Variants in DSCAM observed in about 807,000 individuals in gnomAD.
DSCAM encodes DS cell adhesion molecule.
A neutral mutation model predicts 217.7 loss-of-function variants in DSCAM; 47 were observed. The ratio of observed to expected loss-of-function variants is 0.22; its 90% confidence interval spans 0.17 to 0.28. DSCAM has a LOEUF of 0.28. Ranked by LOEUF, DSCAM falls within the 10% of genes least tolerant of loss-of-function variation. The pLI, the probability that DSCAM is intolerant of heterozygous loss-of-function variation, is 1.00. For missense variants in DSCAM, 2,080 were observed against 2,618.3 expected (o/e 0.79, Z 4.49); for synonymous variants, 1,056 against 1,015.3 (o/e 1.04, Z -0.76).
At chr21:40,493,411 T>G (rs2076091664) in intron 3 of DSCAM, among the ~76,000 whole-genome samples, 1 of 152,138 alleles carries the variant, frequency 6.6e-6, no homozygotes, top group East Asian at 1.9e-4. Context: ...AGTAAGTAAA[T>G]GGTCAAATTA....
chr21:40,144,418 G>T lies in DSCAM; in HGVS notation c.3259+73C>A. The T allele has an allele frequency of 6.3e-7, 1 of 1,584,936 alleles. No individual in the cohort carries two copies. The highest frequency in any genetic ancestry group is 8.6e-7 in the Non-Finnish European group (1 of 1,163,632). Reference sequence around the variant, plus strand: ...CGTGGGGCGGGGGAGTGCGAGGTTGGGGGAGCCCCGGGGCAGACCCGAGGG... The same window carrying T: ...CGTGGGGCGGGGGAGTGCGAGGTTGTGGGAGCCCCGGGGCAGACCCGAGGG... On this transcript the variant is annotated intron_variant, in intron 17 of 32. Coordinates refer to ENST00000400454, the MANE Select transcript of DSCAM (RefSeq NM_001389.5). This position sits in a 1 kb window ranked among gnomAD's most constrained non-coding sequence, Gnocchi z 4.8.
intron 11 of DSCAM, among the ~76,000 whole-genome samples, chr21:40,217,890 T>A (rs576569157): frequency 6.6e-5 from 10 of 152,180 alleles, no homozygotes; most frequent in African/African-American, 2.2e-4. Flanking sequence ...TTTGCTTAAG[T>A]TCCTGATTAT....
At chr21:40,014,562 GC>G (rs2088123164) in intron 32 of DSCAM, among the ~76,000 whole-genome samples, 2 of 152,120 alleles carry the variant, frequency 1.3e-5, no homozygotes, top group African/African-American at 4.8e-5. Context: ...TCCCTAACAG[GC>G]ATCCTTTGCT....
intron 28 of DSCAM, among the ~76,000 whole-genome samples, chr21:40,059,325 G>GCAAA (rs1283928356): frequency 5.3e-5 from 8 of 152,292 alleles, no homozygotes; most frequent in Admixed American, 3.9e-4. Context: ...TCTCTTTGGA[G>GCAAA]CAAACACCTC....
intron 3 of DSCAM, among the ~76,000 whole-genome samples, chr21:40,455,902 C>A (rs1189355932): frequency 6.6e-6 from 1 of 151,980 alleles, no homozygotes; most frequent in Non-Finnish European, 1.5e-5. Context: ...GGGAAGAAGA[C>A]AAGGAGATTC....
chr21:40,686,684 C>T (rs1404410479), intron 3 of DSCAM, among the ~76,000 whole-genome samples: 1 of 152,142 alleles, frequency 6.6e-6, no homozygotes, highest in Non-Finnish European at 1.5e-5. Context: ...CTCCTCCTGG[C>T]AGGCTGAGGC....
intron 3 of DSCAM, among the ~76,000 whole-genome samples, chr21:40,644,946 A>G (rs111324200): frequency 0.018 from 2,695 of 152,326 alleles, 96 homozygotes; most frequent in African/African-American, 0.062. Context: ...TCAAGTTACT[A>G]AAGCCAAGCA....
At chr21:40,225,369 C>T (rs2091322910) in intron 11 of DSCAM, among the ~76,000 whole-genome samples, 1 of 152,168 alleles carries the variant, frequency 6.6e-6, no homozygotes, top group African/African-American at 2.4e-5. Context: ...GCCATCCCAG[C>T]CTCTTCCCCC....
At chr21:40,653,668 C>T (rs35057352) in intron 3 of DSCAM, among the ~76,000 whole-genome samples, 5,427 of 152,210 alleles carry the variant, frequency 0.036, 177 homozygotes, top group Non-Finnish European at 0.063. Flanking sequence ...GAGAAGACCC[C>T]GCGTTGACTG....
intron 6 of DSCAM, among the ~76,000 whole-genome samples, chr21:40,344,673 T>C (rs9982497): frequency 0.51 from 77,358 of 151,974 alleles, 20,764 homozygotes; most frequent in South Asian, 0.65. Flanking sequence ...GTAATATTTT[T>C]CCTCCCTCAG....
chr21:40,192,026 A>C (rs1194778099), intron 11 of DSCAM, among the ~76,000 whole-genome samples: 1 of 152,126 alleles, frequency 6.6e-6, no homozygotes, highest in Non-Finnish European at 1.5e-5. Flanking sequence ...ATTTTTGGGG[A>C]TACTATTCAA....
intron 9 of DSCAM, among the ~76,000 whole-genome samples, chr21:40,309,316 T>TCTTCCTAAA (rs1301473805): frequency 6.6e-6 from 1 of 152,174 alleles, no homozygotes; most frequent in Non-Finnish European, 1.5e-5. Context: ...ACAATATCCA[T>TCTTCCTAAA]CTTCCTAAAC....
At chr21:40,050,473 C>G (rs533401799) in intron 30 of DSCAM, among the ~76,000 whole-genome samples, 1 of 146,570 alleles carries the variant, frequency 6.8e-6, no homozygotes, top group African/African-American at 2.6e-5. Flanking sequence ...GAAGAGATGT[C>G]AAAGCCCTTG....
At chr21:40,452,831 T>G (rs1275039839) in intron 3 of DSCAM, among the ~76,000 whole-genome samples, 5 of 152,152 alleles carry the variant, frequency 3.3e-5, no homozygotes, top group Non-Finnish European at 7.4e-5. Flanking sequence ...AAGTGTTATA[T>G]TCTATACAGG....
chr21:40,682,671 AGGGGAGGGGAGGGG>A lies in DSCAM; in HGVS notation c.508+10125_508+10138del, dbSNP rs1186870282. 5.4e-3 allele frequency among the ~76,000 whole-genome samples: 81 copies of A among 15,130 alleles called. 12 individuals are homozygous for A. Among genetic ancestry groups the A allele is most frequent in the East Asian group, 0.042 (9 of 216 alleles). 9.9% of individuals were successfully genotyped at this position (15,130 alleles called of 152,430 possible). A position where few individuals can be genotyped will look rare whatever the true frequency, so the allele number is the denominator to read the frequency against. ...AGGGAAGGGAAGGGAGCGGAGGGGG[AGGGGAGGGGAGGGG>A]AAGGGAGCGGAGGGGAAGGGAGCGG... is the stretch of plus-strand genomic sequence containing the variant. On this transcript the variant is annotated intron_variant, in intron 3 of 32. Coordinates refer to ENST00000400454, the MANE Select transcript of DSCAM (RefSeq NM_001389.5).
At chr21:40,461,031 CA>C (rs1432968190) in intron 3 of DSCAM, among the ~76,000 whole-genome samples, 1 of 151,874 alleles carries the variant, frequency 6.6e-6, no homozygotes, top group African/African-American at 2.4e-5. Flanking sequence ...TTCATAGTTG[CA>C]AAAGAATTGA....
chr21:40,616,439 C>T (rs1024393929), intron 3 of DSCAM, among the ~76,000 whole-genome samples: 12 of 152,268 alleles, frequency 7.9e-5, no homozygotes, highest in African/African-American at 2.4e-4. Context: ...GAAATAGGTG[C>T]CTGTGTGACC....
At position 40,347,717 on chromosome 21, in the gene DSCAM, C is replaced by A. The variant is rs369481071; in HGVS notation, c.1163G>T (p.Arg388Leu). 6.8e-6 allele frequency: 11 copies of A among 1,614,056 alleles called. No homozygotes were observed. The East Asian group carries it at 8.9e-5, about 13-fold the overall frequency. Residue 388 changes from arginine to leucine, a missense_variant, in exon 6 of 33, where the codon CGC (arginine) becomes CTC (leucine). Physicochemically the swap from Arg to Leu is moderately radical, Grantham distance 102. This residue lies in a region of DSCAM where 568 missense variants were observed against 678.1 expected (regional missense o/e 0.84). Transcript: ENST00000400454. ...SDGGAYQCFV[R>L]KDKLSAQDYV... ...GTCTTGAGCGGACAGCTTGTCCTTG[C>A]GCACAAAGCACTGGTATGCGCCCCC...
intron 1 of DSCAM, among the ~76,000 whole-genome samples, chr21:40,752,271 C>T (rs1332880359): frequency 2.0e-5 from 3 of 152,150 alleles, no homozygotes; most frequent in Non-Finnish European, 4.4e-5. Context: ...TTCTTTTCTC[C>T]AAAGCCAGCT....
Sources: allele counts gnomAD v4.1 joint callset (sites outside exome capture counted in the v4.1 genomes callset), GRCh38; gene constraint gnomAD v4.1.1; regional missense constraint gnomAD v4.1.1; non-coding constraint Gnocchi (gnomAD v3.1); transcripts MANE v1.5; gene names NCBI Gene and HGNC (gene_info 2026-07-23, HGNC 2026-07-21).